The following SIPA1L3 variants were observed in gnomAD, a reference collection of about 807,000 sequenced individuals.
The protein encoded by SIPA1L3 is signal-induced proliferation-associated 1-like protein 3.
Under a neutral mutation model 150.1 loss-of-function variants are expected in SIPA1L3, and 59 were observed. The observed-to-expected ratio is 0.39, with a 90% CI of 0.32 to 0.49. The LOEUF is 0.49. Ranked by LOEUF, SIPA1L3 falls within the 20% of genes least tolerant of loss-of-function variation. The pLI is 0.86. For synonymous variants in SIPA1L3, 1,070 were observed against 1,077.6 expected (o/e 0.99, Z 0.14); for missense variants, 2,211 against 2,489.5 (o/e 0.89, Z 2.38).
intron 2 of SIPA1L3, among the ~76,000 whole-genome samples, chr19:38,054,729 A>G (rs1969279020): frequency 6.6e-6 from 1 of 152,136 alleles, no homozygotes; most frequent in South Asian, 2.1e-4. Flanking sequence ...GTGATAAGAG[A>G]ACCTTTTGTT....
intron 2 of SIPA1L3, among the ~76,000 whole-genome samples, chr19:38,059,968 T>C (rs1969412241): frequency 6.6e-6 from 1 of 152,100 alleles, no homozygotes; most frequent in South Asian, 2.1e-4. Flanking sequence ...AGAGACGAGG[T>C]TTTGCCATGT....
chr19:37,966,652 C>T (rs980285986), intron 1 of SIPA1L3, among the ~76,000 whole-genome samples: 1 of 152,124 alleles, frequency 6.6e-6, no homozygotes, highest in Non-Finnish European at 1.5e-5. Flanking sequence ...CCGCCTCCAC[C>T]CTCCTCCCCA....
chr19:38,097,046 A>G (rs897276709), intron 4 of SIPA1L3, among the ~76,000 whole-genome samples: 1 of 152,206 alleles, frequency 6.6e-6, no homozygotes, highest in Non-Finnish European at 1.5e-5. Context: ...AAGCTAGATA[A>G]CAAAAGAATA....
chr19:38,201,945 C>A lies in SIPA1L3; in HGVS notation c.5068C>A (p.His1690Asn). The part of the protein sequence containing the change: ...IPPAHSPVHS[H>N]LSLERGPPTP... ...GCCTGCACACAGTCCTGTCCACAGCCACCTGAGCCTGGAGAGGGGACCCCC... is the reference window on the plus strand; with the variant it reads ...GCCTGCACACAGTCCTGTCCACAGCAACCTGAGCCTGGAGAGGGGACCCCC... The change falls in exon 20 of 22, where the codon CAC becomes AAC. Residue 1690 changes from histidine to asparagine, a missense_variant. His to Asn is a moderately conservative substitution (Grantham distance 68, BLOSUM62 1). This residue lies in a region of SIPA1L3 where 806 missense variants were observed against 870.1 expected (regional missense o/e 0.93). Transcript: ENST00000222345. The A allele has an allele frequency of 6.2e-7, 1 of 1,613,950 alleles. No homozygotes were observed.
Position 38,194,509 on chromosome 19 carries a change from G to A in SIPA1L3, c.4840+729G>A, listed in dbSNP as rs1046365127. Among the ~76,000 whole-genome samples, 3 of 152,216 alleles carry A rather than the reference G, an allele frequency of 2.0e-5. 1 individual carries two copies. The highest frequency in any genetic ancestry group is 6.5e-5 in the Admixed American group (1 of 15,282). The stretch of plus-strand genomic sequence containing the variant: ...AGCAATGAGGAGCTTGGGGCAGAGC[G>A]CTGGCGTGCCACTGCGCGTGGGGTG... On this transcript the variant is annotated intron_variant, in intron 18 of 21. Coordinates refer to ENST00000222345, the MANE Select transcript of SIPA1L3 (RefSeq NM_015073.3).
chr19:38,143,987 C>G (rs1341520732), intron 12 of SIPA1L3, among the ~76,000 whole-genome samples: 1 of 152,310 alleles, frequency 6.6e-6, no homozygotes, highest in Admixed American at 6.5e-5. Context: ...ACACTGGCCA[C>G]TCCCAGCTTC....
At chr19:37,997,864 C>CAAAAAAA (rs967452351) in intron 1 of SIPA1L3, among the ~76,000 whole-genome samples, 1 of 69,274 alleles carries the variant, frequency 1.4e-5, no homozygotes, top group African/African-American at 5.0e-5. Flanking sequence ...GACTCCATCT[C>CAAAAAAA]AAAAAAAAAA....
chr19:38,193,932 G>A (rs1972863131), intron 18 of SIPA1L3, 152 bp downstream of exon 18: 1 of 894,072 alleles, frequency 1.1e-6, no homozygotes, highest in Non-Finnish European at 1.6e-6. Flanking sequence ...GAACTTCGGG[G>A]GGCCTGATGG....
intron 1 of SIPA1L3, among the ~76,000 whole-genome samples, chr19:37,941,071 TACACACACACACACATACACAC>T (rs1424424240): frequency 1.5e-5 from 2 of 133,182 alleles, no homozygotes; most frequent in Non-Finnish European, 3.3e-5. Context: ...GTTTGAGATG[TACACACACACACACATACACAC>T]ACACACACAC....
intron 2 of SIPA1L3, among the ~76,000 whole-genome samples, chr19:38,062,474 C>T (rs570230626): frequency 4.6e-4 from 70 of 152,256 alleles, no homozygotes; most frequent in Non-Finnish European, 9.0e-4. Context: ...GCTGTGTGGG[C>T]TCAGTGGAGC....
intron 1 of SIPA1L3, among the ~76,000 whole-genome samples, chr19:37,966,917 G>A (rs1013936125): frequency 2.6e-5 from 4 of 152,126 alleles, no homozygotes; most frequent in African/African-American, 4.8e-5. Flanking sequence ...CAGTTTCCAC[G>A]GGTGGCTGGG....
chr19:38,112,622 C>T (rs1011431934), intron 8 of SIPA1L3, among the ~76,000 whole-genome samples: 1 of 152,000 alleles, frequency 6.6e-6, no homozygotes, highest in Non-Finnish European at 1.5e-5. Flanking sequence ...TAACAGAGAC[C>T]CATGTGCCCA....
At chr19:38,142,508 T>C in intron 11 of SIPA1L3, 65 bp from the exon 12 acceptor site, 1 of 1,515,498 alleles carries the variant, frequency 6.6e-7, no homozygotes. Flanking sequence ...TGTCCGTCCA[T>C]CCTCCCAGGG....
chr19:37,919,189 A>C (rs1308516127), intron 1 of SIPA1L3, among the ~76,000 whole-genome samples: 1 of 152,124 alleles, frequency 6.6e-6, no homozygotes, highest in Non-Finnish European at 1.5e-5. Flanking sequence ...CCTTCTACCT[A>C]AACAGGGCAG....
intron 15 of SIPA1L3, among the ~76,000 whole-genome samples, chr19:38,181,258 C>T (rs988048199): frequency 6.6e-6 from 1 of 152,176 alleles, no homozygotes; most frequent in African/African-American, 2.4e-5. Context: ...GGAGATGTGC[C>T]AGTCTTCTCA....
intron 1 of SIPA1L3, among the ~76,000 whole-genome samples, chr19:37,976,124 AAAAGAAAT>A (rs1967070432): frequency 7.0e-6 from 1 of 142,874 alleles, no homozygotes; most frequent in Non-Finnish European, 1.6e-5. Context: ...AAAAAGAAAG[AAAAGAAAT>A]GGGGAGTTGG....
At chr19:38,094,371 C>G (rs1194838964) in intron 4 of SIPA1L3, among the ~76,000 whole-genome samples, 1 of 152,148 alleles carries the variant, frequency 6.6e-6, no homozygotes, top group African/African-American at 2.4e-5. Context: ...GCCTCAGCCT[C>G]CCAAGTAGCT....
chr19:38,006,601 G>C (rs955624086), intron 1 of SIPA1L3, among the ~76,000 whole-genome samples: 2 of 152,202 alleles, frequency 1.3e-5, no homozygotes, highest in Non-Finnish European at 2.9e-5. Flanking sequence ...ATCATGCCGA[G>C]ATACTACTTC....
At chr19:37,973,559 GA>G (rs1568484976) in intron 1 of SIPA1L3, among the ~76,000 whole-genome samples, 1 of 142,956 alleles carries the variant, frequency 7.0e-6, no homozygotes, top group Admixed American at 6.9e-5. Flanking sequence ...AAAAAAGCGG[GA>G]GGGGGGCGCA....
Sources: allele counts gnomAD v4.1 joint callset (sites outside exome capture counted in the v4.1 genomes callset), GRCh38; gene constraint gnomAD v4.1.1; regional missense constraint gnomAD v4.1.1; transcripts MANE v1.5; gene names NCBI Gene and HGNC (gene_info 2026-07-23, HGNC 2026-07-21).